Variants in IGF2BP1 observed in about 807,000 individuals in gnomAD.
IGF2BP1 encodes the protein insulin like growth factor 2 mRNA binding protein 1.
Under a neutral mutation model 74.9 loss-of-function variants are expected in IGF2BP1, and 11 were observed. The observed-to-expected ratio is 0.15, with a 90% CI of 0.09 to 0.24. IGF2BP1 has a LOEUF of 0.24. Among genes scored for constraint, IGF2BP1 ranks in the 10% least tolerant of loss-of-function variants. The pLI, the probability that IGF2BP1 is intolerant of heterozygous loss-of-function variation, is 1.00. For synonymous variants in IGF2BP1, 287 were observed against 281.8 expected (o/e 1.02, Z -0.18); for missense variants, 440 against 757.4 (o/e 0.58, Z 4.92).
chr17:49,001,655 A>T (rs1454046080), intron 2 of IGF2BP1, among the ~76,000 whole-genome samples: 1 of 152,154 alleles, frequency 6.6e-6, no homozygotes, highest in Non-Finnish European at 1.5e-5. Context: ...AGGTGATACT[A>T]ATTTCTTAGA....
intron 5 of IGF2BP1, among the ~76,000 whole-genome samples, chr17:49,033,491 G>A (rs2041947947): frequency 6.6e-6 from 1 of 151,806 alleles, no homozygotes; most frequent in Admixed American, 6.6e-5. Flanking sequence ...AACAGGTGTG[G>A]ACCACCACAC....
At chr17:49,042,108 A>G in intron 8 of IGF2BP1, 134 bp from the exon 9 acceptor site, 1 of 1,163,554 alleles carries the variant, frequency 8.6e-7, no homozygotes, top group Non-Finnish European at 1.2e-6. Context: ...CTGGGGTTGC[A>G]GAGTTATTTG....
chr17:48,999,503 T>C (rs2041458621), intron 2 of IGF2BP1, among the ~76,000 whole-genome samples: 1 of 151,994 alleles, frequency 6.6e-6, no homozygotes, highest in South Asian at 2.1e-4. Flanking sequence ...AACCTTAAAA[T>C]CTTTGAAGAG....
In IGF2BP1 at chr17:48,999,923, GGTGTGT is replaced by G. The variant is rs371605973; in HGVS notation, c.236+789_236+794del. ...AGGGTCTAGAACTCCGTGGATGAATGGTGTGTGTGTGTGTGTGTGTGTGTGTGTGTG... is the reference window on the plus strand; with the variant it reads ...AGGGTCTAGAACTCCGTGGATGAATGGTGTGTGTGTGTGTGTGTGTGTGTG... On this transcript the variant is annotated intron_variant, in intron 2 of 14. Transcript: ENST00000290341. Among the ~76,000 whole-genome samples, 714 of 134,086 alleles carry G rather than the reference GGTGTGT, an allele frequency of 5.3e-3. 2 individuals carry two copies. The highest frequency in any genetic ancestry group is 9.3e-3 in the South Asian group (35 of 3,768). The allele number at this position is 134,086 out of a possible 152,430, so 88.0% of individuals were successfully genotyped here. A position where few individuals can be genotyped will look rare whatever the true frequency, so the allele number is the denominator to read the frequency against.
intron 5 of IGF2BP1, among the ~76,000 whole-genome samples, chr17:49,037,918 A>T (rs2042007487): frequency 6.6e-6 from 1 of 152,208 alleles, no homozygotes; most frequent in Admixed American, 6.5e-5. Context: ...TCCAGTGGAA[A>T]GCCTTTGTGA....
chr17:49,044,522 G>A (rs2042088876), intron 11 of IGF2BP1, among the ~76,000 whole-genome samples: 1 of 152,232 alleles, frequency 6.6e-6, no homozygotes, highest in African/African-American at 2.4e-5. Flanking sequence ...CCAAGGTCCA[G>A]GGGAGAGAGA....
At chr17:49,026,072 C>T (rs1257835328) in intron 3 of IGF2BP1, among the ~76,000 whole-genome samples, 2 of 152,000 alleles carry the variant, frequency 1.3e-5, no homozygotes, top group African/African-American at 2.4e-5. Context: ...TCAGGCTGGT[C>T]TCAAACGCCT....
At chr17:49,043,643 C>A in intron 10 of IGF2BP1, 93 bp downstream of exon 10, 3 of 1,476,372 alleles carry the variant, frequency 2.0e-6, no homozygotes, top group Non-Finnish European at 2.8e-6. Flanking sequence ...GGATGCTTGG[C>A]AAGTTTGCAG....
rs554582100 is a variant in IGF2BP1, at chr17:49,009,194, A to G, written c.236+10025A>G. On this transcript the variant is annotated intron_variant, in intron 2 of 14. Coordinates refer to ENST00000290341, the MANE Select transcript of IGF2BP1 (RefSeq NM_006546.4). The stretch of plus-strand genomic sequence containing the variant: ...TAGGTGTGCGCCAGCACCCCTGGCT[A>G]ATTTTTGTATTTTTAGTGGAGATGG... Among the ~76,000 whole-genome samples, 8 of 151,780 alleles carry G rather than the reference A, an allele frequency of 5.3e-5. No individual in the cohort carries two copies. In the East Asian group the frequency reaches 1.4e-3, roughly 26 times the overall value.
At chr17:49,023,327 A>G (rs1407663814) in intron 2 of IGF2BP1, among the ~76,000 whole-genome samples, 2 of 152,154 alleles carry the variant, frequency 1.3e-5, no homozygotes, top group Non-Finnish European at 2.9e-5. Context: ...TTCAATGTTT[A>G]TTTCCTTCTT....
At chr17:49,048,542 C>T (rs866291870) in intron 14 of IGF2BP1, among the ~76,000 whole-genome samples, 3 of 152,226 alleles carry the variant, frequency 2.0e-5, no homozygotes, top group Middle Eastern at 6.8e-3. Context: ...CATGAGCCAC[C>T]GTGCACCTGG....
chr17:49,019,954 A>ATATT (rs1567815943), intron 2 of IGF2BP1, among the ~76,000 whole-genome samples: 57 of 41,522 alleles, frequency 1.4e-3, no homozygotes, highest in African/African-American at 3.6e-3. Context: ...ATATATTTAT[A>ATATT]TACACACACA....
At chr17:49,024,554 C>G (rs1364558712) in intron 2 of IGF2BP1, among the ~76,000 whole-genome samples, 1 of 152,150 alleles carries the variant, frequency 6.6e-6, no homozygotes, top group Non-Finnish European at 1.5e-5. Flanking sequence ...TATTGTTATA[C>G]TTCAAGTACT....
chr17:49,024,713 G>A (rs1423883689), intron 2 of IGF2BP1, among the ~76,000 whole-genome samples: 1 of 152,114 alleles, frequency 6.6e-6, no homozygotes, highest in African/African-American at 2.4e-5. Flanking sequence ...CCATATCTGT[G>A]CCAAGGACTT....
chr17:49,023,319 C>T (rs1314425757), intron 2 of IGF2BP1, among the ~76,000 whole-genome samples: 1 of 152,208 alleles, frequency 6.6e-6, no homozygotes, highest in Non-Finnish European at 1.5e-5. Context: ...AGATTCTCTT[C>T]AATGTTTATT....
chr17:49,026,271 C>CTTAA (rs2041852091), intron 3 of IGF2BP1, 195 bp from the exon 4 acceptor site: 2 of 520,756 alleles, frequency 3.8e-6, no homozygotes, highest in Non-Finnish European at 6.9e-6. Context: ...TAAGGCAGAA[C>CTTAA]TTAAGTACAC....
At chr17:49,016,248 C>T (rs1474306932) in intron 2 of IGF2BP1, among the ~76,000 whole-genome samples, 1 of 152,250 alleles carries the variant, frequency 6.6e-6, no homozygotes, top group Non-Finnish European at 1.5e-5. Flanking sequence ...CTGTTTCCTT[C>T]TCTGAGCCTC....
chr17:48,998,749 C>A (rs183748003), intron 1 of IGF2BP1, among the ~76,000 whole-genome samples: 44 of 152,336 alleles, frequency 2.9e-4, no homozygotes, highest in Non-Finnish European at 4.9e-4. Flanking sequence ...GCCCCACTTT[C>A]TGAGGAACGG....
At position 49,053,658 on chromosome 17, in the gene IGF2BP1, C is replaced by G. The variant is rs1274225825; in HGVS notation, c.*4214C>G. ...AGTTAGCTCTCAAGGGTGCCTTCCCCTCCTCCCAACCCAGACATACCCTCT... is the reference window on the plus strand; with the variant it reads ...AGTTAGCTCTCAAGGGTGCCTTCCCGTCCTCCCAACCCAGACATACCCTCT... On this transcript the variant is annotated 3_prime_UTR_variant, in exon 15 of 15. Coordinates refer to ENST00000290341, the MANE Select transcript of IGF2BP1 (RefSeq NM_006546.4). The G allele has an allele frequency of 6.5e-6, 1 of 152,778 alleles. No individual in the cohort carries two copies. The highest frequency in any genetic ancestry group is 2.4e-5 in the African/African-American group (1 of 41,442). 9.5% of individuals were successfully genotyped at this position (152,778 alleles called of 1,614,324 possible). A position where few individuals can be genotyped will look rare whatever the true frequency, so the allele number is the denominator to read the frequency against.
Sources: allele counts gnomAD v4.1 joint callset (sites outside exome capture counted in the v4.1 genomes callset), GRCh38; gene constraint gnomAD v4.1.1; transcripts MANE v1.5; gene names NCBI Gene and HGNC (gene_info 2026-07-23, HGNC 2026-07-21).